The following WDPCP variants were observed in gnomAD, a reference collection of about 807,000 sequenced individuals.
The protein encoded by WDPCP is WD repeat containing planar cell polarity effector.
In WDPCP, 71 loss-of-function variants were observed where a neutral mutation model predicts 93.1. That is an observed-to-expected ratio of 0.76 (90% CI 0.63 to 0.93). The LOEUF is 0.93. WDPCP is among the 40% of genes least tolerant of loss of function. WDPCP has a pLI of 0.00. For missense variants in WDPCP, 844 were observed against 887.4 expected, an observed-to-expected ratio of 0.95 and a Z score of 0.62; for synonymous variants, 315 against 315.0, an observed-to-expected ratio of 1.00 and a Z score of 0.00.
At chr2:63,522,686 C>T (rs1340662728) in intron 1 of WDPCP, among the ~76,000 whole-genome samples, 2 of 152,150 alleles carry the variant, frequency 1.3e-5, no homozygotes, top group African/African-American at 4.8e-5. Context: ...ATGAACACCT[C>T]TATGAACACA....
At chr2:63,385,534 A>T (rs1026774440) in intron 10 of WDPCP, among the ~76,000 whole-genome samples, 2 of 152,114 alleles carry the variant, frequency 1.3e-5, no homozygotes, top group African/African-American at 4.8e-5. Flanking sequence ...AAAACATGCA[A>T]TACTTAGGGA....
chr2:63,671,709 C>T (rs921480088), intron 2 of WDPCP, among the ~76,000 whole-genome samples: 2 of 151,982 alleles, frequency 1.3e-5, no homozygotes, highest in African/African-American at 4.8e-5. Context: ...CACCACACCC[C>T]GCCAATCTTT....
At chr2:63,781,919 C>T (rs1670398728) in intron 2 of WDPCP, among the ~76,000 whole-genome samples, 1 of 152,156 alleles carries the variant, frequency 6.6e-6, no homozygotes, top group Non-Finnish European at 1.5e-5. Context: ...AGTCCACAGG[C>T]AACCTATGTG....
In WDPCP at chr2:63,595,665, A is replaced by G. The variant is rs554776769; in HGVS notation, n.488+54994T>C. ...AACTACCACTGTTTATTAACTACTTATGTATACCAAGGATAAATAAGGGTA... is the reference window on the plus strand; with the variant it reads ...AACTACCACTGTTTATTAACTACTTGTGTATACCAAGGATAAATAAGGGTA... On this transcript the variant is annotated intron_variant and non_coding_transcript_variant, in intron 3 of 4. Transcript: ENST00000467687. 3.7e-5 allele frequency: 23 copies of G among 620,206 alleles called. 1 individual carries two copies. Among genetic ancestry groups the G allele is most frequent in the African/African-American group, 3.3e-4 (18 of 54,114 alleles). 38.4% of individuals were successfully genotyped at this position (620,206 alleles called of 1,614,324 possible). A position where few individuals can be genotyped will look rare whatever the true frequency, so the allele number is the denominator to read the frequency against.
At chr2:63,298,931 C>T (rs764644659) in intron 13 of WDPCP, among the ~76,000 whole-genome samples, 4 of 152,148 alleles carry the variant, frequency 2.6e-5, no homozygotes, top group Admixed American at 6.5e-5. Context: ...ATGTGGTCCC[C>T]AATGTCCTGT....
intron 12 of WDPCP, among the ~76,000 whole-genome samples, chr2:63,356,479 C>A (rs901277067): frequency 2.0e-5 from 3 of 152,178 alleles, no homozygotes; most frequent in African/African-American, 7.2e-5. Flanking sequence ...AATATACATT[C>A]TTTTCATTGC....
intron 2 of WDPCP, among the ~76,000 whole-genome samples, chr2:63,735,984 C>T (rs767757176): frequency 6.6e-6 from 1 of 152,206 alleles, no homozygotes; most frequent in Admixed American, 6.5e-5. Flanking sequence ...CTTAATCCAT[C>T]ATTAAGATTC....
rs539698210 is a variant in WDPCP, at chr2:63,146,414, T to G, written c.2190+6500A>C. Among the ~76,000 whole-genome samples, 1,211 of 151,668 alleles carry G rather than the reference T, an allele frequency of 8.0e-3. 6 individuals carry two copies. The highest frequency in any genetic ancestry group is 0.013 in the Non-Finnish European group (877 of 67,832). ...TAGTTTATTGAGAGCGTGTTTTTTTTTTTTTTTTTTGACAGAGTCTTGCTG... is the reference window on the plus strand; with the variant it reads ...TAGTTTATTGAGAGCGTGTTTTTTTGTTTTTTTTTTGACAGAGTCTTGCTG... On this transcript the variant is annotated intron_variant, in intron 17 of 17. Transcript: ENST00000272321.
intron 1 of WDPCP, among the ~76,000 whole-genome samples, chr2:63,559,118 C>G (rs1384763947): frequency 1.3e-5 from 2 of 152,156 alleles, no homozygotes; most frequent in Non-Finnish European, 2.9e-5. Flanking sequence ...GAATGCAAGG[C>G]TGGTTCAACA....
At chr2:63,397,700 A>C (rs754494158) in intron 10 of WDPCP, among the ~76,000 whole-genome samples, 45 of 152,210 alleles carry the variant, frequency 3.0e-4, no homozygotes, top group Non-Finnish European at 6.0e-4. Context: ...GTCATCAAAC[A>C]ATGTAAGAGA....
At chr2:63,392,677 A>G (rs555515742) in intron 10 of WDPCP, among the ~76,000 whole-genome samples, 2 of 152,320 alleles carry the variant, frequency 1.3e-5, no homozygotes, top group East Asian at 3.9e-4. Context: ...AAAGAACTCA[A>G]ATAAATTTAC....
intron 14 of WDPCP, among the ~76,000 whole-genome samples, chr2:63,231,448 A>C (rs1047156619): frequency 6.6e-6 from 1 of 152,186 alleles, no homozygotes; most frequent in Admixed American, 6.5e-5. Flanking sequence ...CTCAGCCCAA[A>C]ATCTCCTTAA....
chr2:63,378,322 A>C, intron 12 of WDPCP, 64 bp downstream of exon 12: 1 of 1,606,006 alleles, frequency 6.2e-7, no homozygotes, highest in South Asian at 1.1e-5. Flanking sequence ...TATTTTAATT[A>C]AAGAGGATGT....
At chr2:63,639,971 T>C (rs1709962922) in intron 3 of WDPCP, among the ~76,000 whole-genome samples, 1 of 152,218 alleles carries the variant, frequency 6.6e-6, no homozygotes, top group African/African-American at 2.4e-5. Context: ...TGGGCGCTTA[T>C]TCCAGAGAGA....
At chr2:63,802,933 C>A (rs1484342513) in intron 2 of WDPCP, among the ~76,000 whole-genome samples, 1 of 152,188 alleles carries the variant, frequency 6.6e-6, no homozygotes, top group African/African-American at 2.4e-5. Flanking sequence ...TGCACCTGTT[C>A]AAGGAGTGAA....
chr2:63,646,040 T>A (rs1285992100), intron 3 of WDPCP, among the ~76,000 whole-genome samples: 1 of 152,184 alleles, frequency 6.6e-6, no homozygotes, highest in African/African-American at 2.4e-5. Context: ...ACCATTTTGT[T>A]ATTTGTTTTC....
the WDPCP span, among the ~76,000 whole-genome samples, chr2:63,838,784 G>T: frequency 6.6e-6 from 1 of 152,170 alleles, no homozygotes; most frequent in Non-Finnish European, 1.5e-5. Context: ...TGCTTTCTAA[G>T]CATGTCTTTG....
intron 12 of WDPCP, among the ~76,000 whole-genome samples, chr2:63,360,370 CAAG>C (rs1017543181): frequency 6.6e-6 from 1 of 152,184 alleles, no homozygotes; most frequent in Non-Finnish European, 1.5e-5. Context: ...AAAAGCTAAT[CAAG>C]AAGACTACTT....
intron 12 of WDPCP, among the ~76,000 whole-genome samples, chr2:63,349,650 T>C (rs1372749236): frequency 6.6e-6 from 1 of 152,134 alleles, no homozygotes; most frequent in Non-Finnish European, 1.5e-5. Context: ...TTAGCCCCCA[T>C]ATAAAAAAGG....
Sources: gnomAD v4.1 joint callset for allele counts (sites outside exome capture counted in the v4.1 genomes callset) on GRCh38, gnomAD v4.1.1 for gene constraint, MANE v1.5 for transcripts, NCBI Gene and HGNC (gene_info 2026-07-23, HGNC 2026-07-21) for gene names.